ASXL3: variants seen among roughly 807,000 people sequenced by gnomAD.
ASXL3 encodes putative Polycomb group protein ASXL3.
ASXL3 carries 34 observed loss-of-function variants against 170.6 expected under a neutral mutation model. The ratio of observed to expected loss-of-function variants is 0.20; its 90% CI spans 0.15 to 0.27. The LOEUF (loss-of-function observed/expected upper bound fraction) is 0.27, where lower values mean the gene tolerates loss of function less well. Ranked by LOEUF, ASXL3 falls within the 10% of genes least tolerant of loss-of-function variation. ASXL3 has a pLI of 1.00. For synonymous variants in ASXL3, 1,002 were observed against 989.1 expected, an observed-to-expected ratio of 1.01 and a Z score of -0.24; for missense variants, 2,592 against 2,695.3, an observed-to-expected ratio of 0.96 and a Z score of 0.85.
At chr18:33,645,629 A>G in intron 3 of ASXL3, among the ~76,000 whole-genome samples, 1 of 152,030 alleles carries the variant, frequency 6.6e-6, no homozygotes, top group East Asian at 1.9e-4. Flanking sequence ...ACAAAAGCTT[A>G]TAATCTACAA....
At position 33,588,061 on chromosome 18, in the gene ASXL3, A is replaced by C. The variant is rs150471208; in HGVS notation, c.54+9376A>C. ...TTTATCTTTATTCTACTTAGTGTGT[A>C]TGTGTGTGTATATATATATATTTGC... On this transcript the variant is annotated intron_variant, in intron 1 of 11. Transcript: ENST00000269197. 1.8e-4 allele frequency among the ~76,000 whole-genome samples: 27 copies of C among 152,090 alleles called. 1 individual carries two copies. The East Asian group carries it at 5.2e-3, about 29-fold the overall frequency.
chr18:33,598,337 GT>G (rs998893853), intron 1 of ASXL3, among the ~76,000 whole-genome samples: 26 of 151,976 alleles, frequency 1.7e-4, no homozygotes, highest in Admixed American at 1.3e-4. Context: ...TTTATGGGAG[GT>G]TCTATAACAA....
Position 33,682,846 on chromosome 18 carries a change from C to T in ASXL3, c.716-559C>T, listed in dbSNP as rs867217076. 2.0e-5 allele frequency among the ~76,000 whole-genome samples: 3 copies of T among 152,148 alleles called. No homozygotes were observed. In the East Asian group the frequency reaches 5.8e-4, roughly 29 times the overall value. On this transcript the variant is annotated intron_variant, in intron 7 of 11. Transcript: ENST00000269197. ...GGATTACAAGCATGAGCCACTGTGC[C>T]GAACCTAAGGTTTTTTTAAAACAAT...
intron 2 of ASXL3, among the ~76,000 whole-genome samples, chr18:33,608,031 GAT>G (rs1568275520): frequency 6.6e-6 from 1 of 151,920 alleles, no homozygotes; most frequent in Non-Finnish European, 1.5e-5. Context: ...TAGATCCTAG[GAT>G]ATAAAGATGA....
intron 8 of ASXL3, among the ~76,000 whole-genome samples, chr18:33,688,639 C>G (rs1272998304): frequency 1.3e-5 from 2 of 152,154 alleles, no homozygotes; most frequent in African/African-American, 4.8e-5. Flanking sequence ...CATGAGAGAT[C>G]ATCAATGTGC....
At position 33,646,322 on chromosome 18, in the gene ASXL3, C is replaced by T. The variant is rs374843800; in HGVS notation, c.324C>T (p.Ala108=). Residue 108 remains alanine (A), a synonymous_variant, in exon 4 of 12, where the codon GCC becomes GCT. Transcript: ENST00000269197. The part of the protein sequence containing the change: ...CESELDGTDM[A]EANAHGEENG... ...CTGAATTGGATGGTACAGATATGGC[C>T]GAGGCAAATGCCCATGGAGAAGAAA... The T allele has an allele frequency of 2.9e-5, 47 of 1,609,012 alleles. No individual in the cohort carries two copies. Among genetic ancestry groups the T allele is most frequent in the African/African-American group, 2.5e-4 (19 of 74,702 alleles).
chr18:33,640,639 A>G (rs908114730), intron 2 of ASXL3, among the ~76,000 whole-genome samples: 1 of 152,152 alleles, frequency 6.6e-6, no homozygotes, highest in African/African-American at 2.4e-5. Context: ...CAGATACTGT[A>G]TCAAGAATTA....
rs1033945712 is a variant in ASXL3, at chr18:33,602,201, A to C, written c.55-5393A>C. 3.9e-5 allele frequency among the ~76,000 whole-genome samples: 6 copies of C among 152,160 alleles called. No homozygotes were observed. In the South Asian group the frequency reaches 6.2e-4, roughly 16 times the overall value. ...CTAATGCCTAATTATCTGAGGTGGA[A>C]GTTTCATCCAGAAACTGTTCCCCCC... On this transcript the variant is annotated intron_variant, in intron 1 of 11. Transcript: ENST00000269197.
chr18:33,680,208 C>T (rs942024285), intron 7 of ASXL3, among the ~76,000 whole-genome samples: 11 of 151,762 alleles, frequency 7.2e-5, no homozygotes, highest in African/African-American at 1.2e-4. Flanking sequence ...TTTTCTGTAA[C>T]GTGTAAAGCA....
chr18:33,717,202 G>C (rs1393617045), intron 8 of ASXL3, among the ~76,000 whole-genome samples: 2 of 152,094 alleles, frequency 1.3e-5, no homozygotes, highest in African/African-American at 4.8e-5. Flanking sequence ...TGACAGTAGA[G>C]GTCGGGTGAC....
rs1205516809 is a variant in ASXL3 at position 33,734,435 on chromosome 18, T to C, written c.1082+20T>C. The C allele has an allele frequency of 6.8e-7, 1 of 1,464,304 alleles. No homozygotes were observed. Among genetic ancestry groups the C allele is most frequent in the Admixed American group, 2.0e-5 (1 of 50,396 alleles). 90.7% of individuals were successfully genotyped at this position (1,464,304 alleles called of 1,614,324 possible). On this transcript the variant is annotated intron_variant, in intron 10 of 11. Coordinates refer to ENST00000269197, the MANE Select transcript of ASXL3 (RefSeq NM_030632.3). ...AGAAAAGTAAGTACTAGAGTATTTT[T>C]TCTCATTTCTCTGAGAAAGAAATGA...
chr18:33,678,352 T>C (rs889087681), intron 7 of ASXL3, among the ~76,000 whole-genome samples: 1 of 152,220 alleles, frequency 6.6e-6, no homozygotes, highest in Admixed American at 6.5e-5. Flanking sequence ...TGCTTCTCTA[T>C]GTGAGTGTGT....
At chr18:33,667,824 T>A (rs1412450261) in intron 5 of ASXL3, among the ~76,000 whole-genome samples, 1 of 152,234 alleles carries the variant, frequency 6.6e-6, no homozygotes, top group East Asian at 1.9e-4. Context: ...GTGGAATAAT[T>A]AAAACTACTG....
chr18:33,588,870 C>T (rs2145095321), intron 1 of ASXL3, among the ~76,000 whole-genome samples: 1 of 152,264 alleles, frequency 6.6e-6, no homozygotes, highest in East Asian at 1.9e-4. Context: ...CCAGTAAAGC[C>T]ACCACCATTT....
chr18:33,687,666 G>A (rs1169474245), intron 8 of ASXL3, among the ~76,000 whole-genome samples: 1 of 152,084 alleles, frequency 6.6e-6, no homozygotes, highest in Non-Finnish European at 1.5e-5. Flanking sequence ...ATCTTTTTGG[G>A]TGTTTTGTTT....
At chr18:33,695,276 A>G (rs2066754773) in intron 8 of ASXL3, among the ~76,000 whole-genome samples, 2 of 152,106 alleles carry the variant, frequency 1.3e-5, no homozygotes. Context: ...TGGAACTGAC[A>G]CTTTGGCTTT....
At chr18:33,633,843 CAA>C (rs59859337) in intron 2 of ASXL3, among the ~76,000 whole-genome samples, 4,953 of 86,902 alleles carry the variant, frequency 0.057, 162 homozygotes, top group African/African-American at 0.17. Context: ...GACTCCATCT[CAA>C]AAAAAAAAAA....
At chr18:33,588,069 G>GTA (rs892204040) in intron 1 of ASXL3, among the ~76,000 whole-genome samples, 34 of 151,678 alleles carry the variant, frequency 2.2e-4, no homozygotes, top group African/African-American at 4.1e-4. Context: ...GTATGTGTGT[G>GTA]TATATATATA....
At position 33,739,505 on chromosome 18, in the gene ASXL3, A is replaced by G. The variant is rs1332139863; in HGVS notation, c.2101A>G (p.Thr701Ala). 1 of 1,613,942 alleles carries G rather than the reference A, an allele frequency of 6.2e-7. No homozygotes were observed. Residue 701 changes from threonine (T) to alanine (A), a missense_variant, in exon 11 of 12, where the codon ACA (threonine) becomes GCA (alanine). Physicochemically the swap from Thr to Ala is moderately conservative, Grantham distance 58 (BLOSUM62 0). Coordinates refer to ENST00000269197, the MANE Select transcript of ASXL3 (RefSeq NM_030632.3). ...EASLMSNLPL[T>A]SEASPVSNLP... ...ATCTCTTATGTCCAACTTACCATTA[A>G]CATCTGAAGCATCACCAGTATCCAA...
Sources: gnomAD v4.1 joint callset for allele counts (sites outside exome capture counted in the v4.1 genomes callset) on GRCh38, gnomAD v4.1.1 for gene constraint, MANE v1.5 for transcripts, NCBI Gene and HGNC (gene_info 2026-07-23, HGNC 2026-07-21) for gene names.